Variants in CCND3 observed in about 807,000 individuals in gnomAD.
CCND3 encodes cyclin D3, also known as G1/S-specific cyclin-D3.
In CCND3, 9 loss-of-function variants were observed where a neutral mutation model predicts 28.7. That is an observed-to-expected ratio of 0.31 (90% CI 0.19 to 0.55). The LOEUF (loss-of-function observed/expected upper bound fraction) is 0.55. CCND3 is among the 20% of genes least tolerant of loss of function. CCND3 has a pLI of 0.93. For synonymous variants in CCND3, 164 were observed against 163.9 expected, an observed-to-expected ratio of 1.00 and a Z score of 0.00; for missense variants, 315 against 385.8, an observed-to-expected ratio of 0.82 and a Z score of 1.54.
intron 1 of CCND3, among the ~76,000 whole-genome samples, chr6:42,045,900 G>A (rs1454215075): frequency 6.6e-6 from 1 of 152,224 alleles, no homozygotes; most frequent in Non-Finnish European, 1.5e-5. Flanking sequence ...CTGGGGCAGG[G>A]GGCCAGGGCG....
intron 1 of CCND3, among the ~76,000 whole-genome samples, chr6:42,047,101 G>A (rs1764567145): frequency 6.6e-6 from 1 of 152,216 alleles, no homozygotes; most frequent in Non-Finnish European, 1.5e-5. Flanking sequence ...ACAGTGTTAT[G>A]TAACTGTTAG....
rs58855970 is a variant in CCND3, at chr6:41,951,575, C to CAAAAAA, written c.-45-10996_-45-10991dup. ...ACACACACACACACACACACACACA[C>CAAAAAA]AAAAAAAAAGATTAAGTGGGAGTAA... On this transcript the variant is annotated intron_variant, in intron 1 of 4. Transcript: ENST00000372988. 9.0e-4 allele frequency among the ~76,000 whole-genome samples: 63 copies of CAAAAAA among 70,174 alleles called. 6 individuals carry two copies. The highest frequency in any genetic ancestry group is 1.6e-3 in the Admixed American group (9 of 5,574). 46.0% of individuals were successfully genotyped at this position (70,174 alleles called of 152,430 possible).
upstream of CCND3, among the ~76,000 whole-genome samples, chr6:41,943,245 TAC>T (rs1776088729): frequency 6.6e-6 from 1 of 152,164 alleles, no homozygotes; most frequent in Non-Finnish European, 1.5e-5. Flanking sequence ...ACTTCAAAAA[TAC>T]AAATAAGCCA....
chr6:42,019,286 G>T (rs771993592), intron 1 of CCND3, among the ~76,000 whole-genome samples: 1 of 152,010 alleles, frequency 6.6e-6, no homozygotes, highest in African/African-American at 2.4e-5. Context: ...TGAGGAGTTC[G>T]AGACCAGCCT....
At chr6:42,039,335 C>T (rs1233360060) in intron 1 of CCND3, among the ~76,000 whole-genome samples, 1 of 152,182 alleles carries the variant, frequency 6.6e-6, no homozygotes, top group East Asian at 1.9e-4. Context: ...GTTCCAAGGC[C>T]TCTGAGACTT....
chr6:42,022,801 CGCCAGTGCA>C (rs1377296443), intron 1 of CCND3, among the ~76,000 whole-genome samples: 1 of 152,148 alleles, frequency 6.6e-6, no homozygotes, highest in Non-Finnish European at 1.5e-5. Flanking sequence ...CTCACCCCTC[CGCCAGTGCA>C]GCCAGGGCAG....
At chr6:41,948,334 T>G (rs12528656) in intron 1 of CCND3, among the ~76,000 whole-genome samples, 54,771 of 121,416 alleles carry the variant, frequency 0.45, 11,235 homozygotes, top group African/African-American at 0.65. Context: ...AAGTTTTTTG[T>G]TTTTTTTTGT....
At chr6:42,017,248 G>A (rs1212963531) in intron 1 of CCND3, among the ~76,000 whole-genome samples, 1 of 152,202 alleles carries the variant, frequency 6.6e-6, no homozygotes. Flanking sequence ...GGGGCCCACA[G>A]CCTCTCCAGC....
chr6:42,003,567 A>C (rs1763084264), intron 1 of CCND3, among the ~76,000 whole-genome samples: 1 of 144,726 alleles, frequency 6.9e-6, no homozygotes, highest in Non-Finnish European at 1.5e-5. Flanking sequence ...AAAAAAGAAC[A>C]GCAGAATAAG....
In CCND3 at chr6:41,939,426, C is replaced by G. The variant is rs1285273019; in HGVS notation, c.414+944G>C. On this transcript the variant is annotated intron_variant, in intron 2 of 4. Transcript: ENST00000372991. This position sits in a 1 kb window ranked among gnomAD's most constrained non-coding sequence, Gnocchi z 4.2. ...CCTCCCTAGGAGACAATCTGCATGT[C>G]CTAAATAACCTCTTCCAGATCCAGC... Among the ~76,000 whole-genome samples the G allele has an allele frequency of 6.6e-6, 1 of 152,176 alleles. No homozygotes were observed. Among genetic ancestry groups the G allele is most frequent in the African/African-American group, 2.4e-5 (1 of 41,434 alleles).
intron 1 of CCND3, among the ~76,000 whole-genome samples, chr6:41,967,284 TAA>T (rs1761914584): frequency 6.6e-6 from 1 of 152,152 alleles, no homozygotes; most frequent in East Asian, 1.9e-4. Flanking sequence ...CATCCTACCC[TAA>T]GTCTCTTCAA....
intron 1 of CCND3, among the ~76,000 whole-genome samples, chr6:42,047,816 T>A (rs1269893513): frequency 6.6e-6 from 1 of 152,142 alleles, no homozygotes; most frequent in East Asian, 1.9e-4. Context: ...TGAACCCAAC[T>A]CAAATGTCCT....
intron 1 of CCND3, among the ~76,000 whole-genome samples, chr6:42,032,584 A>C (rs1213052851): frequency 1.3e-5 from 2 of 152,258 alleles, no homozygotes; most frequent in Non-Finnish European, 2.9e-5. Context: ...TGCCATGTTA[A>C]GTATACCACT....
Position 42,016,278 on chromosome 6 carries a change from C to T in CCND3, c.-46+32223G>A, listed in dbSNP as rs991514049. ...ACCATAGTCACCATGTTGTACGATA[C>T]GTCTCTTGAACTTATTCTTCCCATC... On this transcript the variant is annotated intron_variant, in intron 1 of 4. Coordinates refer to the CCND3 transcript ENST00000372988. 3.9e-5 allele frequency among the ~76,000 whole-genome samples: 6 copies of T among 152,246 alleles called. No individual in the cohort carries two copies. In the East Asian group the frequency reaches 7.7e-4, roughly 20 times the overall value.
intron 1 of CCND3, among the ~76,000 whole-genome samples, chr6:41,971,325 G>A (rs1489638560): frequency 6.6e-6 from 1 of 151,966 alleles, no homozygotes; most frequent in African/African-American, 2.4e-5. Context: ...GTGTAACTAC[G>A]TTGCCTAGAC....
At position 42,048,851 on chromosome 6, in the gene CCND3, G is replaced by T. The variant is rs1562004247; in HGVS notation, c.-396C>A. ...GGCGAGGCCAGGAGGCTCATCCGGC[G>T]CCGCGCACCCCCGCCCGCAGCCCCC... On this transcript the variant is annotated 5_prime_UTR_variant, in exon 1 of 5. Coordinates refer to the CCND3 transcript ENST00000372988. The surrounding 1 kb of genome is among the most constrained non-coding windows in gnomAD (Gnocchi z 4.7). 3.1e-6 allele frequency: 1 copy of T among 321,604 alleles called. No individual in the cohort carries two copies. The highest frequency in any genetic ancestry group is 5.9e-6 in the Non-Finnish European group (1 of 168,424). 19.9% of individuals were successfully genotyped at this position (321,604 alleles called of 1,614,324 possible).
chr6:42,047,622 G>A (rs1348298603), intron 1 of CCND3, among the ~76,000 whole-genome samples: 1 of 152,152 alleles, frequency 6.6e-6, no homozygotes, highest in Non-Finnish European at 1.5e-5. Flanking sequence ...TTGGGACCCA[G>A]CCCAGAAAAC....
Position 41,988,810 on chromosome 6 carries a change from T to A in CCND3, c.-45-48225A>T, listed in dbSNP as rs556053805. 2.7e-3 allele frequency among the ~76,000 whole-genome samples: 400 copies of A among 150,630 alleles called. 6 individuals carry two copies. Among genetic ancestry groups the A allele is most frequent in the Non-Finnish European group, 4.2e-3 (284 of 67,574 alleles). ...GCCTCCCGGGTTCACGCCATTCTCC[T>A]GCCTGAGGCTCCCGAATAGCTGGGA... is the stretch of plus-strand genomic sequence containing the variant. On this transcript the variant is annotated intron_variant, in intron 1 of 4. Coordinates refer to the CCND3 transcript ENST00000372988.
rs758116591 is a variant in CCND3, at chr6:41,940,513, A to C, written c.271T>G (p.Cys91Gly). The change falls in exon 2 of 5, where the codon TGC (cysteine) becomes GGC (glycine). Residue 91 changes from cysteine (C) to glycine (G), a missense_variant. Cys to Gly is a radical substitution (Grantham distance 159). Coordinates refer to ENST00000372991, the MANE Select transcript of CCND3 (RefSeq NM_001760.5). ...AMNYLDRYLS[C>G]VPTRKAQLQL... ...AACTGCGCCTTTCGGGTGGGGACGC[A>C]AGACAGGTAGCGATCCAGGTAGTTC... 4 of 1,614,044 alleles carry C rather than the reference A, an allele frequency of 2.5e-6. No individual in the cohort carries two copies. The highest frequency in any genetic ancestry group is 2.2e-5 in the South Asian group (2 of 91,076).
Sources: gnomAD v4.1 joint callset for allele counts (sites outside exome capture counted in the v4.1 genomes callset) on GRCh38, gnomAD v4.1.1 for gene constraint, Gnocchi (gnomAD v3.1) non-coding constraint, MANE v1.5 for transcripts, NCBI Gene and HGNC (gene_info 2026-07-23, HGNC 2026-07-21) for gene names.